Variants in TAOK2 observed in about 807,000 individuals in gnomAD.
The protein encoded by TAOK2 is TAO kinase 2.
A neutral mutation model predicts 122.5 loss-of-function variants in TAOK2; 42 were observed. The observed-to-expected ratio is 0.34, with a 90% CI of 0.27 to 0.44. The LOEUF (loss-of-function observed/expected upper bound fraction) is 0.44. TAOK2 is among the 20% of genes least tolerant of loss of function. The probability of loss-of-function intolerance (pLI) is 1.00; values close to 1 mark genes in which losing one functional copy is unlikely to be tolerated. For synonymous variants in TAOK2, 704 were observed against 677.6 expected (o/e 1.04, Z -0.61); for missense variants, 1,264 against 1,644.9 (o/e 0.77, Z 4.01).
rs776945675 is a variant in TAOK2, at chr16:29,983,499, C to T, written c.1261-4C>T. Reference sequence around the variant, plus strand: ...CCTTGGGTGTTCCTTCTATCTCCCTCTAGGGCTCTGACAACCTATATGATG... The same window carrying T: ...CCTTGGGTGTTCCTTCTATCTCCCTTTAGGGCTCTGACAACCTATATGATG... On this transcript the variant is annotated splice_polypyrimidine_tract_variant and splice_region_variant and intron_variant, in intron 12 of 15. Transcript: ENST00000308893. 7 of 1,606,628 alleles carry T rather than the reference C, an allele frequency of 4.4e-6. No individual in the cohort carries two copies. Among genetic ancestry groups the T allele is most frequent in the Non-Finnish European group, 8.5e-7 (1 of 1,174,642 alleles).
chr16:29,975,847 TAAC>T (rs777029337), intron 1 of TAOK2, among the ~76,000 whole-genome samples: 3 of 152,202 alleles, frequency 2.0e-5, no homozygotes, highest in East Asian at 1.9e-4. Context: ...ATTAAAATCT[TAAC>T]AACAGCTCCA....
intron 8 of TAOK2, chr16:29,981,456 C>A: frequency 1.6e-6 from 1 of 633,236 alleles, no homozygotes; most frequent in Non-Finnish European, 2.9e-6. Context: ...ACCCCTATTC[C>A]ACCCGTGTGC....
downstream of TAOK2, chr16:29,990,684 G>A (rs1307385463): frequency 4.2e-6 from 5 of 1,196,700 alleles, no homozygotes; most frequent in Admixed American, 2.5e-5. Context: ...TGTTGAGACC[G>A]CTGCTTCTTG....
downstream of TAOK2, chr16:29,989,547 C>A (rs754705051): frequency 4.3e-6 from 7 of 1,609,518 alleles, no homozygotes; most frequent in African/African-American, 2.7e-5. Context: ...CTTCCTCCTC[C>A]TCTTCCCCGC....
chr16:29,989,003 A>G (rs1481819661), downstream of TAOK2: 8 of 985,278 alleles, frequency 8.1e-6, no homozygotes, highest in African/African-American at 1.2e-4. Flanking sequence ...AAAATGGGGC[A>G]GCCCCTTCTT....
intron 13 of TAOK2, among the ~76,000 whole-genome samples, chr16:29,984,725 C>G (rs1324190961): frequency 6.6e-6 from 1 of 152,162 alleles, no homozygotes; most frequent in East Asian, 1.9e-4. Context: ...GATCCCACCT[C>G]AATACCTGGG....
intron 13 of TAOK2, among the ~76,000 whole-genome samples, chr16:29,984,289 G>A (rs1168458924): frequency 1.3e-5 from 2 of 152,248 alleles, no homozygotes; most frequent in Non-Finnish European, 2.9e-5. Context: ...TTGCCCCAGT[G>A]CCTTTGGTGG....
At chr16:29,989,507 C>T, downstream of TAOK2, 6 of 1,592,120 alleles carry the variant, frequency 3.8e-6, no homozygotes, top group South Asian at 4.5e-5. Flanking sequence ...CCCATTTCCC[C>T]TGGTTGTTCC....
chr16:29,982,628 G>A, intron 10 of TAOK2, 106 bp from the exon 11 acceptor site: 3 of 1,450,834 alleles, frequency 2.1e-6, no homozygotes, highest in Non-Finnish European at 1.9e-6. Flanking sequence ...AACCCGTGGT[G>A]GGCGTGGGCC....
rs536578679 is a variant in TAOK2 at position 29,982,046 on chromosome 16, C to T, written c.831+106C>T. Reference sequence around the variant, plus strand: ...CCAGTTCCTCCTCCACCAAGAGCTTCGTTGATGAATTCCCACCCCATCCCC... The same window carrying T: ...CCAGTTCCTCCTCCACCAAGAGCTTTGTTGATGAATTCCCACCCCATCCCC... On this transcript the variant is annotated intron_variant, in intron 10 of 15. Coordinates refer to ENST00000308893, the MANE Select transcript of TAOK2 (RefSeq NM_016151.4). 36 of 930,370 alleles carry T rather than the reference C, an allele frequency of 3.9e-5. 1 individual carries two copies. The highest frequency in any genetic ancestry group is 3.2e-4 in the East Asian group (12 of 38,012). The allele number at this position is 930,370 out of a possible 1,614,324, so 57.6% of individuals were successfully genotyped here.
Position 29,979,524 on chromosome 16 carries a change from C to G in TAOK2, c.655+16C>G. The G allele has an allele frequency of 6.7e-7, 1 of 1,501,650 alleles. No homozygotes were observed. The highest frequency in any genetic ancestry group is 1.4e-5 in the South Asian group (1 of 73,540). The allele number at this position is 1,501,650 out of a possible 1,614,324, so 93.0% of individuals were successfully genotyped here. On this transcript the variant is annotated intron_variant, in intron 8 of 15. Coordinates refer to ENST00000308893, the MANE Select transcript of TAOK2 (RefSeq NM_016151.4). This position sits in a 1 kb window ranked among gnomAD's most constrained non-coding sequence, Gnocchi z 4.1. ...ATCGAGCTGGGTAAGAACATCCTCCCTGTTCCCTCATCATCTTTTCCATTC... is the reference window on the plus strand; with the variant it reads ...ATCGAGCTGGGTAAGAACATCCTCCGTGTTCCCTCATCATCTTTTCCATTC...
rs775805699 is a variant in TAOK2 at position 29,985,863 on chromosome 16, T to C, written c.1992+2T>C. ...CTGGACCAGGACCTGCTGCGGGAGG[T>C]AGGCATCCCAATCTCTGTTCCCCTC... is the stretch of plus-strand genomic sequence containing the variant. On this transcript the variant is annotated splice_donor_variant, in intron 15 of 15. Coordinates refer to ENST00000308893, the MANE Select transcript of TAOK2 (RefSeq NM_016151.4). LOFTEE classifies it high-confidence loss of function. The surrounding 1 kb of genome is among the most constrained non-coding windows in gnomAD (Gnocchi z 6.9). 57 of 1,610,908 alleles carry C rather than the reference T, an allele frequency of 3.5e-5. No homozygotes were observed. Among genetic ancestry groups the C allele is most frequent in the Non-Finnish European group, 4.7e-5 (55 of 1,179,438 alleles).
chr16:29,990,743 G>C (rs760372136), downstream of TAOK2: 11 of 1,560,082 alleles, frequency 7.1e-6, no homozygotes, highest in Middle Eastern at 1.7e-4. Context: ...TAGTGGGGGT[G>C]GGGGAGGAGA....
In TAOK2 at chr16:29,986,284, C is replaced by T; in HGVS notation, c.2012C>T (p.Thr671Ile). The T allele has an allele frequency of 6.6e-7, 1 of 1,521,300 alleles. No homozygotes were observed. Among genetic ancestry groups the T allele is most frequent in the Non-Finnish European group, 8.8e-7 (1 of 1,134,278 alleles). The allele number at this position is 1,521,300 out of a possible 1,614,324, so 94.2% of individuals were successfully genotyped here. A position where few individuals can be genotyped will look rare whatever the true frequency, so the allele number is the denominator to read the frequency against. The change falls in exon 16 of 16, where the codon ACC (threonine) becomes ATC (isoleucine). Residue 671 changes from threonine to isoleucine, a missense_variant. Physicochemically the swap from Thr to Ile is moderately conservative, Grantham distance 89. Transcript: ENST00000308893. The surrounding 1 kb of genome is among the most constrained non-coding windows in gnomAD (Gnocchi z 4.2). ...LLREDLNKKQ[T>I]QKDLECALLL... ...CCTCAGGACCTGAACAAGAAGCAGA[C>T]CCAGAAGGACTTGGAGTGTGCACTG... is the stretch of plus-strand genomic sequence containing the variant.
intron 13 of TAOK2, among the ~76,000 whole-genome samples, chr16:29,984,387 C>T (rs749505700): frequency 6.6e-6 from 1 of 152,200 alleles, no homozygotes; most frequent in Non-Finnish European, 1.5e-5. Context: ...AGTGTTTAGG[C>T]TTTTCATAAA....
downstream of TAOK2, chr16:29,991,785 C>A: frequency 2.1e-6 from 1 of 487,142 alleles, no homozygotes; most frequent in Non-Finnish European, 3.4e-6. This position sits in a 1 kb window ranked among gnomAD's most constrained non-coding sequence, Gnocchi z 5.6. Flanking sequence ...AGCCCCGCCT[C>A]CCTACCATGG....
rs2150894910 is a variant in TAOK2 at position 29,983,263 on chromosome 16, G to A, written c.1191G>A (p.Arg397=). Residue 397 remains arginine, a synonymous_variant, in exon 12 of 16, where the codon CGG becomes CGA. Transcript: ENST00000308893. Reference sequence around the variant, plus strand: ...AGGAGGAAGAAGGCCCTGAAGCCCGGGAGATGGCCATGATGCAGGAGGGGG... The same window carrying A: ...AGGAGGAAGAAGGCCCTGAAGCCCGAGAGATGGCCATGATGCAGGAGGGGG... ...EEEEEEGPEA[R]EMAMMQEGEH... 6.2e-7 allele frequency: 1 copy of A among 1,608,160 alleles called. No individual in the cohort carries two copies. Among genetic ancestry groups the A allele is most frequent in the Non-Finnish European group, 8.5e-7 (1 of 1,179,932 alleles).
chr16:29,987,953 G>A lies in TAOK2; in HGVS notation c.3681G>A (p.Gln1227=). 4 of 1,543,444 alleles carry A rather than the reference G, an allele frequency of 2.6e-6. No individual in the cohort carries two copies. The highest frequency in any genetic ancestry group is 3.5e-6 in the Non-Finnish European group (4 of 1,150,044). The part of the protein sequence containing the change: ...TLAGRRSRTR[Q]SRALPPWR ...CCGGGCGGAGGTCACGCACCCGCCA[G>A]TCCCGGGCCCTGCCCCCCTGGAGGT... Residue 1227 remains glutamine (Q), a synonymous_variant, in exon 16 of 16, where the codon CAG becomes CAA. Coordinates refer to ENST00000308893, the MANE Select transcript of TAOK2 (RefSeq NM_016151.4).
rs199554981 is a variant in TAOK2 at position 29,986,578 on chromosome 16, C to G, written c.2306C>G (p.Thr769Ser). The change falls in exon 16 of 16, where the codon ACC becomes AGC. Residue 769 changes from threonine to serine, a missense_variant. Around this residue, in one of 4 missense-constraint regions of TAOK2, gnomAD observed 824 missense variants for 908.7 expected, o/e 0.91. Transcript: ENST00000308893. This position sits in a 1 kb window ranked among gnomAD's most constrained non-coding sequence, Gnocchi z 4.2. ...GCTCTGGGCCCACCCAACACAGGCACCCCTATAGAACAGCAGCCCTGCTCA... is the reference window on the plus strand; with the variant it reads ...GCTCTGGGCCCACCCAACACAGGCAGCCCTATAGAACAGCAGCCCTGCTCA... Reference protein sequence around the residue: ...PGALGPPNTGTPIEQQPCSPG... With the variant: ...PGALGPPNTGSPIEQQPCSPG... 4 of 1,613,878 alleles carry G rather than the reference C, an allele frequency of 2.5e-6. No homozygotes were observed. In the East Asian group the frequency reaches 8.9e-5, roughly 36 times the overall value.
Sources: allele counts gnomAD v4.1 joint callset (sites outside exome capture counted in the v4.1 genomes callset), GRCh38; gene constraint gnomAD v4.1.1; regional missense constraint gnomAD v4.1.1; non-coding constraint Gnocchi (gnomAD v3.1); transcripts MANE v1.5; gene names NCBI Gene and HGNC (gene_info 2026-07-23, HGNC 2026-07-21).